Variants in AGMO observed in about 807,000 individuals in gnomAD.
AGMO encodes the protein alkylglycerol monooxygenase.
In AGMO, 75 loss-of-function variants were observed where a neutral mutation model predicts 60.2. That is an observed-to-expected ratio of 1.25 (90% confidence interval 1.03 to 1.51). The LOEUF (loss-of-function observed/expected upper bound fraction) is 1.51, where lower values mean the gene tolerates loss of function less well. Among genes scored for constraint, AGMO ranks in the 40% most tolerant of loss-of-function variants. AGMO has a pLI of 0.00. For synonymous variants in AGMO, 261 were observed against 177.1 expected (o/e 1.47, Z -3.76); for missense variants, 763 against 525.5 (o/e 1.45, Z -4.42).
intron 12 of AGMO, among the ~76,000 whole-genome samples, chr7:15,317,864 C>G (rs576535353): frequency 1.3e-5 from 2 of 150,178 alleles, no homozygotes; most frequent in South Asian, 2.1e-4. Context: ...TACACACACA[C>G]ACACGTATAT....
rs763586102 is a variant in AGMO at position 15,201,308 on chromosome 7, G to GT, written c.1314dup (p.Leu439ThrfsTer10). The GT allele has an allele frequency of 1.2e-4, 194 of 1,612,554 alleles. No individual in the cohort carries two copies. Among genetic ancestry groups the GT allele is most frequent in the Admixed American group, 5.0e-4 (30 of 59,940 alleles). On this transcript the variant is annotated frameshift_variant, in exon 13 of 13. Transcript: ENST00000342526. LOFTEE classifies it high-confidence loss of function. ...GGTTATTTCCAAGGGTGAGAGGTGA[G>GT]TTGTTTCATGCTTCTAACTCCCCAG...
intron 9 of AGMO, among the ~76,000 whole-genome samples, chr7:15,386,840 A>T (rs913788697): frequency 6.6e-6 from 1 of 152,102 alleles, no homozygotes; most frequent in Non-Finnish European, 1.5e-5. Flanking sequence ...GTTAAAACTG[A>T]ATTTTTCATT....
chr7:15,372,109 T>C (rs1240252858), intron 10 of AGMO, among the ~76,000 whole-genome samples: 4 of 151,474 alleles, frequency 2.6e-5, no homozygotes, highest in Non-Finnish European at 5.9e-5. Context: ...TTCTATATAG[T>C]ATCCTTTGAT....
intron 3 of AGMO, among the ~76,000 whole-genome samples, chr7:15,498,428 T>C (rs2128524072): frequency 6.6e-6 from 1 of 152,172 alleles, no homozygotes; most frequent in Middle Eastern, 3.4e-3. Flanking sequence ...TAAGTCATTG[T>C]ATACATACAG....
chr7:15,301,322 C>G (rs532499972), intron 12 of AGMO, among the ~76,000 whole-genome samples: 1 of 152,076 alleles, frequency 6.6e-6, no homozygotes, highest in South Asian at 2.1e-4. Context: ...GCCTGTAATC[C>G]CAGCAACTCG....
At chr7:15,161,422 A>G in the AGMO span, among the ~76,000 whole-genome samples, 4 of 151,684 alleles carry the variant, frequency 2.6e-5, no homozygotes, top group Non-Finnish European at 5.9e-5. Context: ...CTCTCTCTCT[A>G]TATATAAATA....
chr7:15,432,878 C>T (rs1475637300), intron 3 of AGMO, among the ~76,000 whole-genome samples: 2 of 151,648 alleles, frequency 1.3e-5, no homozygotes, highest in Non-Finnish European at 2.9e-5. Flanking sequence ...ATAAAAAGAC[C>T]CTTGTGGCAC....
intron 2 of AGMO, among the ~76,000 whole-genome samples, chr7:15,554,466 CA>C (rs1355493786): frequency 6.6e-6 from 1 of 151,972 alleles, no homozygotes; most frequent in Non-Finnish European, 1.5e-5. Flanking sequence ...CTCTAATTAG[CA>C]ACCTGCATAT....
At chr7:15,548,027 A>G (rs549766939) in intron 2 of AGMO, among the ~76,000 whole-genome samples, 25 of 146,762 alleles carry the variant, frequency 1.7e-4, no homozygotes, top group African/African-American at 5.6e-4. Context: ...GGAGCAGCCT[A>G]ACTAGGAGGC....
At chr7:15,141,775 G>A in the AGMO span, among the ~76,000 whole-genome samples, 1 of 152,064 alleles carries the variant, frequency 6.6e-6, no homozygotes, top group East Asian at 1.9e-4. Context: ...GGCTAACTTT[G>A]ATATTGTCAC....
the AGMO span, among the ~76,000 whole-genome samples, chr7:15,176,114 G>C: frequency 6.6e-6 from 1 of 152,022 alleles, no homozygotes; most frequent in South Asian, 2.1e-4. Flanking sequence ...CTAAATTTAC[G>C]TTTTCCTATT....
intron 12 of AGMO, among the ~76,000 whole-genome samples, chr7:15,203,176 C>G (rs1228228768): frequency 1.3e-5 from 2 of 152,060 alleles, no homozygotes; most frequent in African/African-American, 2.4e-5. Context: ...GGAGTATTCT[C>G]ATAAATCTCA....
intron 12 of AGMO, among the ~76,000 whole-genome samples, chr7:15,201,838 A>C (rs1781296842): frequency 6.6e-6 from 1 of 152,204 alleles, no homozygotes; most frequent in African/African-American, 2.4e-5. Flanking sequence ...AACACTGCTG[A>C]TGATTTACCT....
chr7:15,465,858 T>A (rs1782270385), intron 3 of AGMO, among the ~76,000 whole-genome samples: 1 of 152,032 alleles, frequency 6.6e-6, no homozygotes, highest in Non-Finnish European at 1.5e-5. Flanking sequence ...AATAGTTCAG[T>A]CTTTTTTAAA....
At chr7:15,499,444 T>C (rs1783319940) in intron 3 of AGMO, among the ~76,000 whole-genome samples, 1 of 151,978 alleles carries the variant, frequency 6.6e-6, no homozygotes, top group Non-Finnish European at 1.5e-5. Context: ...TTATATGCTA[T>C]TAAAATTTTT....
In AGMO at chr7:15,270,863, T is replaced by C. The variant is rs2128513737; in HGVS notation, c.1264-69504A>G. Among the ~76,000 whole-genome samples, 3 of 151,856 alleles carry C rather than the reference T, an allele frequency of 2.0e-5. No homozygotes were observed. In the Middle Eastern group the frequency reaches 0.01, roughly 517 times the overall value. On this transcript the variant is annotated intron_variant, in intron 12 of 12. Transcript: ENST00000342526. ...TAAATGGTGAGAAACAGTGGTACAG[T>C]TTCATTCTTCTTCATATGGCTAGCC...
intron 12 of AGMO, among the ~76,000 whole-genome samples, chr7:15,338,245 C>T (rs1344479093): frequency 6.6e-6 from 1 of 151,966 alleles, no homozygotes; most frequent in Admixed American, 6.6e-5. Flanking sequence ...TGTTACAAGA[C>T]CATTACTGCT....
intron 3 of AGMO, among the ~76,000 whole-genome samples, chr7:15,503,585 G>A (rs1372638030): frequency 3.3e-5 from 5 of 151,974 alleles, no homozygotes; most frequent in African/African-American, 4.8e-5. Flanking sequence ...AATAATCCCA[G>A]GGAAATAAAT....
At chr7:15,547,747 C>A (rs1051416198) in intron 2 of AGMO, among the ~76,000 whole-genome samples, 225 of 151,974 alleles carry the variant, frequency 1.5e-3, no homozygotes, top group Admixed American at 3.5e-3. Context: ...GGAGGGGCGC[C>A]CGCCATTGCC....
Sources: gnomAD v4.1 joint callset for allele counts (sites outside exome capture counted in the v4.1 genomes callset) on GRCh38, gnomAD v4.1.1 for gene constraint, MANE v1.5 for transcripts, NCBI Gene and HGNC (gene_info 2026-07-23, HGNC 2026-07-21) for gene names.